PCDHA9: variants seen among roughly 807,000 people sequenced by gnomAD.
PCDHA9 encodes protocadherin alpha-9.
In PCDHA9, 62 loss-of-function variants were observed where a neutral mutation model predicts 62.0. That is an observed-to-expected ratio of 1.00 (90% CI 0.81 to 1.23). The LOEUF is 1.23. Among genes scored for constraint, PCDHA9 ranks in the 50% most tolerant of loss-of-function variants. PCDHA9 has a pLI of 0.00. For synonymous variants in PCDHA9, 557 were observed against 567.6 expected (o/e 0.98, Z 0.27); for missense variants, 1,205 against 1,249.8 (o/e 0.96, Z 0.54).
At chr5:140,871,679 A>G (rs2053261430) in intron 1 of PCDHA9, 2 of 1,116,800 alleles carry the variant, frequency 1.8e-6, no homozygotes, top group Admixed American at 3.1e-5. Flanking sequence ...TAATCATATG[A>G]ATAATCTGGC....
At chr5:140,851,252 GTATTT>G (rs1434639310) in intron 1 of PCDHA9, 2 of 1,089,048 alleles carry the variant, frequency 1.8e-6, no homozygotes, top group Non-Finnish European at 2.3e-6. Context: ...ATGATGCATA[GTATTT>G]TAGTCTACTT....
chr5:140,883,915 G>A, intron 1 of PCDHA9: 1 of 1,613,348 alleles, frequency 6.2e-7, no homozygotes, highest in Non-Finnish European at 8.5e-7. Context: ...GCAGCAACGT[G>A]ACGCTGCAGG....
chr5:140,982,797 G>A (rs2097006142), intron 3 of PCDHA9, among the ~76,000 whole-genome samples: 1 of 151,640 alleles, frequency 6.6e-6, no homozygotes, highest in Admixed American at 6.6e-5. Context: ...ATGTGTGCAT[G>A]TGTGTGTGTG....
intron 1 of PCDHA9, chr5:140,928,535 G>A (rs1554205968): frequency 2.5e-6 from 4 of 1,614,224 alleles, no homozygotes; most frequent in East Asian, 2.2e-5. Context: ...GTGGTAGATA[G>A]GAATGACAAT....
intron 1 of PCDHA9, chr5:140,883,939 C>T (rs782266148): frequency 6.2e-7 from 1 of 1,613,422 alleles, no homozygotes; most frequent in Non-Finnish European, 8.5e-7. Context: ...TCGTGCTGGA[C>T]GAGAACGACA....
At chr5:140,997,099 A>G (rs1554255700) in intron 3 of PCDHA9, among the ~76,000 whole-genome samples, 6 of 152,108 alleles carry the variant, frequency 3.9e-5, no homozygotes. Context: ...CAGAGTTCTC[A>G]TGCACTCCTG....
At chr5:140,945,954 A>G (rs187878503) in intron 1 of PCDHA9, among the ~76,000 whole-genome samples, 130 of 152,264 alleles carry the variant, frequency 8.5e-4, no homozygotes, top group Non-Finnish European at 1.6e-3. Flanking sequence ...ATGACCCTGA[A>G]AGCACAGGCA....
At chr5:140,960,823 G>A (rs370898808) in intron 1 of PCDHA9, among the ~76,000 whole-genome samples, 2 of 152,012 alleles carry the variant, frequency 1.3e-5, no homozygotes, top group East Asian at 3.9e-4. Context: ...AGTGATGAAT[G>A]GAAACTTGGA....
At chr5:140,884,188 G>C in intron 1 of PCDHA9, 1 of 1,613,436 alleles carries the variant, frequency 6.2e-7, no homozygotes, top group Middle Eastern at 1.7e-4. Flanking sequence ...TGGACGAGGT[G>C]GACGCGCCGC....
chr5:140,934,915 A>G (rs1324840546), intron 1 of PCDHA9, among the ~76,000 whole-genome samples: 3 of 152,132 alleles, frequency 2.0e-5, no homozygotes, highest in Non-Finnish European at 4.4e-5. Context: ...ATAATTATGG[A>G]TTCACATAAA....
At chr5:140,952,921 A>G (rs1385762046) in intron 1 of PCDHA9, among the ~76,000 whole-genome samples, 4 of 152,138 alleles carry the variant, frequency 2.6e-5, no homozygotes, top group African/African-American at 4.8e-5. Context: ...ACATGGCATG[A>G]GCAGGAGCAG....
At chr5:140,882,369 C>T (rs1554173809) in intron 1 of PCDHA9, 1 of 1,614,222 alleles carries the variant, frequency 6.2e-7, no homozygotes, top group South Asian at 1.1e-5. Context: ...CTCCACTACT[C>T]CGTCCCCGAG....
intron 1 of PCDHA9, chr5:140,882,990 A>T (rs1554176394): frequency 6.2e-7 from 1 of 1,614,130 alleles, no homozygotes; most frequent in Admixed American, 1.7e-5. Context: ...AACGCCCCGG[A>T]ATTTTACCAA....
At chr5:140,904,475 T>C (rs1034610314) in intron 1 of PCDHA9, among the ~76,000 whole-genome samples, 1 of 151,866 alleles carries the variant, frequency 6.6e-6, no homozygotes, top group Non-Finnish European at 1.5e-5. Context: ...TGGTGGCTAT[T>C]TGGTCTGATT....
chr5:140,855,039 T>C lies in PCDHA9; in HGVS notation c.2394+4150T>C, dbSNP rs1287918149. ...AAACTTCTTGTATAAAGGATTTTTC[T>C]GTAATAGTACTTTTCTGTTTTCTTA... is the stretch of plus-strand genomic sequence containing the variant. On this transcript the variant is annotated intron_variant, in intron 1 of 3. Transcript: ENST00000532602. Among the ~76,000 whole-genome samples the C allele has an allele frequency of 2.0e-5, 3 of 150,016 alleles. 1 individual carries two copies. The highest frequency in any genetic ancestry group is 7.3e-5 in the African/African-American group (3 of 40,938).
chr5:140,871,066 G>GA, intron 1 of PCDHA9: 1 of 1,613,276 alleles, frequency 6.2e-7, no homozygotes, highest in South Asian at 1.1e-5. Context: ...GGATCACGGT[G>GA]AGCCGGCGCT....
chr5:140,927,529 C>G, intron 1 of PCDHA9: 2 of 1,614,098 alleles, frequency 1.2e-6, no homozygotes, highest in South Asian at 1.1e-5. Flanking sequence ...GCTACCTGCC[C>G]GCTCAGGAGA....
intron 2 of PCDHA9, 35 bp from the exon 3 acceptor site, chr5:140,982,440 A>C: frequency 6.2e-6 from 10 of 1,613,042 alleles, no homozygotes; most frequent in Non-Finnish European, 8.5e-6. Context: ...AGAATTTATG[A>C]TCTAACCGTT....
rs192756440 is a variant in PCDHA9, at chr5:140,876,883, G to C, written c.2394+25994G>C. On this transcript the variant is annotated intron_variant, in intron 1 of 3. Coordinates refer to ENST00000532602, the MANE Select transcript of PCDHA9 (RefSeq NM_031857.2). Reference sequence around the variant, plus strand: ...GTTCGTGAAGGAGAACAACCCGCCGGGCTGCCACATCTTCACGGTGTCGGC... The same window carrying C: ...GTTCGTGAAGGAGAACAACCCGCCGCGCTGCCACATCTTCACGGTGTCGGC... The C allele has an allele frequency of 2.2e-3, 3,631 of 1,614,132 alleles. 14 individuals are homozygous for C. Among genetic ancestry groups the C allele is most frequent in the Middle Eastern group, 9.1e-3 (55 of 6,048 alleles).
Sources: gnomAD v4.1 joint callset for allele counts (sites outside exome capture counted in the v4.1 genomes callset) on GRCh38, gnomAD v4.1.1 for gene constraint, MANE v1.5 for transcripts, NCBI Gene and HGNC (gene_info 2026-07-23, HGNC 2026-07-21) for gene names.